Variants in CEP112 observed in about 807,000 individuals in gnomAD.
CEP112 encodes the protein centrosomal protein 112.
In CEP112, 127 loss-of-function variants were observed where a neutral mutation model predicts 153.0. The observed-to-expected ratio is 0.83, with a 90% CI of 0.72 to 0.96. The LOEUF (loss-of-function observed/expected upper bound fraction) is 0.96, where lower values mean the gene tolerates loss of function less well. Ranked by LOEUF, CEP112 falls within the 40% of genes least tolerant of loss-of-function variation. CEP112 has a pLI of 0.00. For synonymous variants in CEP112, 358 were observed against 374.4 expected (o/e 0.96, Z 0.51); for missense variants, 1,089 against 1,101.2 (o/e 0.99, Z 0.16).
intron 4 of CEP112, among the ~76,000 whole-genome samples, chr17:66,168,409 ATGTG>A (rs369199902): frequency 0.035 from 5,153 of 146,910 alleles, 128 homozygotes; most frequent in Middle Eastern, 0.062. Flanking sequence ...ATATGTGTAT[ATGTG>A]TGTGTGTGTG....
At chr17:65,654,566 T>C (rs1210909061) in intron 24 of CEP112, among the ~76,000 whole-genome samples, 1 of 152,164 alleles carries the variant, frequency 6.6e-6, no homozygotes, top group African/African-American at 2.4e-5. Flanking sequence ...CATGAACTAG[T>C]TTCTGGAAAG....
At chr17:66,062,136 G>A (rs563067602) in intron 11 of CEP112, among the ~76,000 whole-genome samples, 6 of 152,168 alleles carry the variant, frequency 3.9e-5, no homozygotes, top group East Asian at 1.9e-4. Flanking sequence ...ATGCTGAACC[G>A]TGAGTCAATT....
chr17:65,774,935 G>C (rs1328887701), intron 21 of CEP112, among the ~76,000 whole-genome samples: 2 of 152,274 alleles, frequency 1.3e-5, no homozygotes, highest in South Asian at 2.1e-4. Flanking sequence ...TTGCTGCTCT[G>C]CTTCCTCTTC....
At chr17:66,083,657 C>T (rs1253866074) in intron 8 of CEP112, among the ~76,000 whole-genome samples, 5 of 152,050 alleles carry the variant, frequency 3.3e-5, no homozygotes, top group African/African-American at 4.8e-5. Context: ...GAAACCAGCC[C>T]GGGCAACACG....
chr17:66,071,302 C>G (rs1429388038), intron 8 of CEP112, among the ~76,000 whole-genome samples: 1 of 152,024 alleles, frequency 6.6e-6, no homozygotes, highest in Non-Finnish European at 1.5e-5. Context: ...ATTCAATTCC[C>G]TTGCCTCTAA....
At chr17:65,644,298 C>A in intron 24 of CEP112, 2 of 572,050 alleles carry the variant, frequency 3.5e-6, no homozygotes, top group Non-Finnish European at 6.3e-6. Context: ...TGGCACTCGG[C>A]AAGAAGGCCA....
chr17:65,977,957 C>T (rs1355123633), intron 17 of CEP112, among the ~76,000 whole-genome samples: 4 of 152,172 alleles, frequency 2.6e-5, no homozygotes, highest in Admixed American at 1.3e-4. Flanking sequence ...CACCTGTAAT[C>T]CCAGCTACTC....
intron 17 of CEP112, among the ~76,000 whole-genome samples, chr17:65,996,511 G>C (rs899872032): frequency 2.6e-5 from 4 of 152,256 alleles, no homozygotes; most frequent in African/African-American, 7.2e-5. Flanking sequence ...GATGAGACTG[G>C]AGAGTTCCAG....
At chr17:66,056,428 C>T (rs2145958278) in intron 11 of CEP112, among the ~76,000 whole-genome samples, 1 of 152,338 alleles carries the variant, frequency 6.6e-6, no homozygotes, top group South Asian at 2.1e-4. Flanking sequence ...TGTAAAAACA[C>T]ACACAAATGT....
intron 20 of CEP112, among the ~76,000 whole-genome samples, chr17:65,865,027 A>C (rs1285604225): frequency 6.7e-6 from 1 of 150,300 alleles, no homozygotes. Context: ...TACAGGAAAG[A>C]CTGTTTTTTT....
At chr17:65,951,582 C>G (rs2061829559) in intron 18 of CEP112, among the ~76,000 whole-genome samples, 1 of 152,086 alleles carries the variant, frequency 6.6e-6, no homozygotes, top group Non-Finnish European at 1.5e-5. Flanking sequence ...TATCCTTTGA[C>G]TCCTAACTTT....
intron 25 of CEP112, among the ~76,000 whole-genome samples, chr17:65,640,153 TA>T (rs1407670561): frequency 0.013 from 1,196 of 91,734 alleles, 15 homozygotes; most frequent in East Asian, 0.054. Flanking sequence ...TATATATATA[TA>T]TTTTTTTTTT....
intron 19 of CEP112, among the ~76,000 whole-genome samples, chr17:65,907,600 T>C (rs2060132021): frequency 6.6e-6 from 1 of 152,188 alleles, no homozygotes; most frequent in Non-Finnish European, 1.5e-5. Context: ...GGTCTTTTCC[T>C]AGGCTTCCGC....
At chr17:65,693,452 G>C (rs2048212428) in intron 23 of CEP112, among the ~76,000 whole-genome samples, 1 of 115,718 alleles carries the variant, frequency 8.6e-6, no homozygotes, top group South Asian at 2.6e-4. Context: ...GAAGTCAAGG[G>C]ATTAAAAAAA....
At chr17:65,943,642 T>G (rs2061566608) in intron 18 of CEP112, among the ~76,000 whole-genome samples, 1 of 152,140 alleles carries the variant, frequency 6.6e-6, no homozygotes, top group Admixed American at 6.5e-5. Context: ...GCCCTTAACA[T>G]TTTTTCCCTT....
chr17:65,930,521 T>C (rs893120375), intron 18 of CEP112, among the ~76,000 whole-genome samples: 2 of 152,220 alleles, frequency 1.3e-5, no homozygotes, highest in African/African-American at 4.8e-5. Flanking sequence ...ATACCAAGGA[T>C]TGCAATCCCA....
intron 20 of CEP112, among the ~76,000 whole-genome samples, chr17:65,886,636 T>C (rs913035297): frequency 1.3e-5 from 2 of 152,234 alleles, no homozygotes; most frequent in African/African-American, 4.8e-5. Context: ...CTTTTGTTCT[T>C]TAATAGTCTG....
chr17:65,679,964 T>TA (rs2047434244), intron 24 of CEP112, among the ~76,000 whole-genome samples: 1 of 152,250 alleles, frequency 6.6e-6, no homozygotes, highest in Non-Finnish European at 1.5e-5. Context: ...TTTTATTCTT[T>TA]AAAAACCCAG....
At chr17:65,940,252 T>C (rs977666717) in intron 18 of CEP112, among the ~76,000 whole-genome samples, 1 of 152,196 alleles carries the variant, frequency 6.6e-6, no homozygotes, top group Non-Finnish European at 1.5e-5. Flanking sequence ...CTGCTGAGGA[T>C]GTGGAGAAAA....
Sources: allele counts gnomAD v4.1 joint callset (sites outside exome capture counted in the v4.1 genomes callset), GRCh38; gene constraint gnomAD v4.1.1; transcripts MANE v1.5; gene names NCBI Gene and HGNC (gene_info 2026-07-23, HGNC 2026-07-21).